The following PGAP1 variants were observed in gnomAD, a reference collection of about 807,000 sequenced individuals.
The protein encoded by PGAP1 is GPI inositol-deacylase.
A neutral mutation model predicts 127.0 loss-of-function variants in PGAP1; 76 were observed. The observed-to-expected ratio is 0.60, with a 90% CI of 0.50 to 0.72. PGAP1 has a LOEUF of 0.72. Ranked by LOEUF, PGAP1 falls within the 30% of genes least tolerant of loss-of-function variation. PGAP1 has a pLI of 0.00. For synonymous variants in PGAP1, 362 were observed against 366.5 expected, an observed-to-expected ratio of 0.99 and a Z score of 0.14; for missense variants, 982 against 1,071.3, an observed-to-expected ratio of 0.92 and a Z score of 1.16.
At chr2:196,845,831 T>C in intron 23 of PGAP1, 51 bp downstream of exon 23, 1 of 1,491,650 alleles carries the variant, frequency 6.7e-7, no homozygotes, top group Non-Finnish European at 9.1e-7. Context: ...ATCCTACATG[T>C]ATGTGCCTAA....
At position 196,845,963 on chromosome 2, in the gene PGAP1, C is replaced by G. The variant is rs1700545570; in HGVS notation, c.2205G>C (p.Leu735Phe). 1 of 1,606,860 alleles carries G rather than the reference C, an allele frequency of 6.2e-7. No homozygotes were observed. Among genetic ancestry groups the G allele is most frequent in the East Asian group, 2.2e-5 (1 of 44,670 alleles). ...IKMISPDLPF[L>F]TIVLIIVSWT... Reference sequence around the variant, plus strand: ...AACTAACTATGATCAAGACAATTGTCAAAAAGGGCAAGTCTGGTGATATCA... The same window carrying G: ...AACTAACTATGATCAAGACAATTGTGAAAAAGGGCAAGTCTGGTGATATCA... Residue 735 changes from leucine (L) to phenylalanine (F), a missense_variant, in exon 23 of 27, where the codon TTG becomes TTC. Transcript: ENST00000354764.
intron 5 of PGAP1, among the ~76,000 whole-genome samples, chr2:196,900,819 C>T (rs547473946): frequency 4.6e-5 from 7 of 152,168 alleles, no homozygotes; most frequent in Admixed American, 6.5e-5. Flanking sequence ...CCCAGCTACT[C>T]GGGAGGCTGA....
intron 19 of PGAP1, among the ~76,000 whole-genome samples, chr2:196,866,445 T>TC (rs1420638014): frequency 2.6e-5 from 4 of 152,216 alleles, no homozygotes; most frequent in African/African-American, 9.6e-5. Flanking sequence ...CTGGACCCCT[T>TC]CCTTAAAACT....
chr2:196,898,224 A>G, intron 6 of PGAP1, 93 bp downstream of exon 6: 1 of 947,574 alleles, frequency 1.1e-6, no homozygotes, highest in East Asian at 2.5e-5. Flanking sequence ...TCTCAAAAAA[A>G]AAAAAAAGTT....
chr2:196,845,730 A>C, intron 23 of PGAP1, 152 bp downstream of exon 23: 1 of 498,952 alleles, frequency 2.0e-6, no homozygotes, highest in South Asian at 8.4e-5. Flanking sequence ...AATTGTATGT[A>C]ATTTAAATAA....
At position 196,838,507 on chromosome 2, in the gene PGAP1, T is replaced by C. The variant is rs919730859; in HGVS notation, c.*2727A>G. On this transcript the variant is annotated 3_prime_UTR_variant, in exon 27 of 27. Transcript: ENST00000354764. ...CTCTGGTAGCCAGCTGGGTTTAAAGTGCATCAAGACTCAATGAAGACCCTG... is the reference window on the plus strand; with the variant it reads ...CTCTGGTAGCCAGCTGGGTTTAAAGCGCATCAAGACTCAATGAAGACCCTG... 2 of 152,188 alleles carry C rather than the reference T, an allele frequency of 1.3e-5. No individual in the cohort carries two copies. Among genetic ancestry groups the C allele is most frequent in the Non-Finnish European group, 2.9e-5 (2 of 68,018 alleles). The allele number at this position is 152,188 out of a possible 1,614,324, so 9.4% of individuals were successfully genotyped here.
intron 22 of PGAP1, among the ~76,000 whole-genome samples, chr2:196,846,521 T>C (rs1197588156): frequency 6.6e-6 from 1 of 152,142 alleles, no homozygotes; most frequent in African/African-American, 2.4e-5. Flanking sequence ...ACTAGATTGA[T>C]GATTTACCAG....
chr2:196,856,789 T>C (rs1160789335), intron 20 of PGAP1, among the ~76,000 whole-genome samples: 1 of 152,346 alleles, frequency 6.6e-6, no homozygotes, highest in Non-Finnish European at 1.5e-5. Context: ...TGAAGGATAA[T>C]GGTCATTTGA....
chr2:196,896,915 C>A (rs1702299465), intron 7 of PGAP1, among the ~76,000 whole-genome samples: 1 of 149,798 alleles, frequency 6.7e-6, no homozygotes, highest in African/African-American at 2.5e-5. Flanking sequence ...GGTTCTTTCA[C>A]TTTTCATTTT....
chr2:196,860,363 C>T (rs1047098421), intron 20 of PGAP1, among the ~76,000 whole-genome samples: 3 of 152,096 alleles, frequency 2.0e-5, no homozygotes, highest in Non-Finnish European at 2.9e-5. Flanking sequence ...GAAACCCCAT[C>T]TCTACTAGAA....
rs1282353417 is a variant in PGAP1, at chr2:196,897,187, A to G, written c.871T>C (p.Leu291=). The part of the protein sequence containing the change: ...DHLSIVWCKQ[L]QLTTVRAFFD... Reference sequence around the variant, plus strand: ...AATGCTCGAACTGTAGTCAACTGCAATTGTTTACACCTAAGGAATAAAGTA... The same window carrying G: ...AATGCTCGAACTGTAGTCAACTGCAGTTGTTTACACCTAAGGAATAAAGTA... Residue 291 remains leucine (L), a synonymous_variant, in exon 7 of 27, where the codon TTG becomes CTG. Coordinates refer to ENST00000354764, the MANE Select transcript of PGAP1 (RefSeq NM_024989.4). The G allele has an allele frequency of 6.3e-7, 1 of 1,577,124 alleles. No homozygotes were observed. The highest frequency in any genetic ancestry group is 1.8e-5 in the Admixed American group (1 of 56,384).
chr2:196,866,115 A>G (rs1011467375), intron 19 of PGAP1, among the ~76,000 whole-genome samples: 3 of 152,208 alleles, frequency 2.0e-5, no homozygotes, highest in Non-Finnish European at 4.4e-5. Flanking sequence ...AGAATTAGAA[A>G]AAAACTACTT....
chr2:196,870,303 T>C (rs1310915791), intron 19 of PGAP1, among the ~76,000 whole-genome samples: 7 of 150,874 alleles, frequency 4.6e-5, no homozygotes, highest in East Asian at 3.9e-4. Context: ...TTCTTTCTTT[T>C]TTTTTTTTTT....
At chr2:196,846,171 G>A (rs181492530) in intron 22 of PGAP1, among the ~76,000 whole-genome samples, 154 bp from the exon 23 acceptor site, 158 of 152,154 alleles carry the variant, frequency 1.0e-3, no homozygotes, top group Middle Eastern at 3.4e-3. Flanking sequence ...AAAGGCAAGT[G>A]GTCCCAAATA....
chr2:196,896,753 T>C (rs894229983), intron 7 of PGAP1, among the ~76,000 whole-genome samples: 2 of 143,586 alleles, frequency 1.4e-5, no homozygotes, highest in African/African-American at 2.6e-5. Flanking sequence ...CGCTTGAACC[T>C]GGGAGGCAGA....
chr2:196,857,512 A>G (rs1700923987), intron 20 of PGAP1, among the ~76,000 whole-genome samples: 1 of 152,246 alleles, frequency 6.6e-6, no homozygotes, highest in South Asian at 2.1e-4. Context: ...TCCAGCACCA[A>G]GGGATATCAA....
chr2:196,863,946 A>G (rs1434004823), intron 20 of PGAP1, among the ~76,000 whole-genome samples: 1 of 152,202 alleles, frequency 6.6e-6, no homozygotes, highest in Non-Finnish European at 1.5e-5. Context: ...TTCCCAACAC[A>G]AAGAAATGGT....
At chr2:196,926,211 A>G (rs1010027952) in intron 1 of PGAP1, among the ~76,000 whole-genome samples, 3 of 151,768 alleles carry the variant, frequency 2.0e-5, no homozygotes, top group Non-Finnish European at 2.9e-5. Context: ...GGGACAGCGG[A>G]GTAACTACGA....
At chr2:196,903,151 G>C (rs1218126986) in intron 4 of PGAP1, among the ~76,000 whole-genome samples, 1 of 151,612 alleles carries the variant, frequency 6.6e-6, no homozygotes, top group Non-Finnish European at 1.5e-5. Context: ...TTAGTTTCAT[G>C]GTATATGCAC....
Sources: gnomAD v4.1 joint callset for allele counts (sites outside exome capture counted in the v4.1 genomes callset) on GRCh38, gnomAD v4.1.1 for gene constraint, MANE v1.5 for transcripts, NCBI Gene and HGNC (gene_info 2026-07-23, HGNC 2026-07-21) for gene names.